The following NCAM1 variants were observed in gnomAD, a reference collection of about 807,000 sequenced individuals.
NCAM1 encodes the protein neural cell adhesion molecule 1.
Under a neutral mutation model 109.8 loss-of-function variants are expected in NCAM1, and 14 were observed. The ratio of observed to expected loss-of-function variants is 0.13; its 90% CI spans 0.08 to 0.20. The LOEUF (loss-of-function observed/expected upper bound fraction) is 0.20. NCAM1 is among the 10% of genes least tolerant of loss of function. The probability of loss-of-function intolerance (pLI) is 1.00; values close to 1 mark genes in which losing one functional copy is unlikely to be tolerated. For synonymous variants in NCAM1, 418 were observed against 442.9 expected (o/e 0.94, Z 0.70); for missense variants, 774 against 1,109.9 (o/e 0.70, Z 4.30).
rs1939314867 is a variant in NCAM1 at position 113,090,929 on chromosome 11, A to C, written c.53-111450A>C. On this transcript the variant is annotated intron_variant, in intron 1 of 19. Coordinates refer to ENST00000316851, the MANE Select transcript of NCAM1 (RefSeq NM_181351.5). ...GGGAAAGAGTCATTCTCTTGAGCTC[A>C]CATCCTAGTAGAAGTTTTGAACAAT... 2.0e-5 allele frequency among the ~76,000 whole-genome samples: 3 copies of C among 152,144 alleles called. No individual in the cohort carries two copies. The South Asian group carries it at 6.2e-4, about 32-fold the overall frequency.
At chr11:113,272,390 G>A (rs1555125634) in intron 19 of NCAM1, among the ~76,000 whole-genome samples, 2 of 152,114 alleles carry the variant, frequency 1.3e-5, no homozygotes, top group African/African-American at 4.8e-5. Context: ...AAAGGGAATG[G>A]AGTTTCAGGG....
rs187565905 is a variant in NCAM1, at chr11:113,016,513, T to C, written c.52+54849T>C. 3.9e-5 allele frequency among the ~76,000 whole-genome samples: 6 copies of C among 152,344 alleles called. No individual in the cohort carries two copies. In the East Asian group the frequency reaches 9.6e-4, roughly 24 times the overall value. On this transcript the variant is annotated intron_variant, in intron 1 of 19. Transcript: ENST00000316851. ...GCCTTTAGGGTTCTGTATAGTGGCT[T>C]AAGACAGGAATACTTGTCATGCGGT...
At chr11:113,073,047 C>T (rs1555085572) in intron 1 of NCAM1, among the ~76,000 whole-genome samples, 1 of 152,156 alleles carries the variant, frequency 6.6e-6, no homozygotes, top group Non-Finnish European at 1.5e-5. Flanking sequence ...CGCCGTTCTA[C>T]TTTCTGTCTC....
rs535958333 is a variant in NCAM1 at position 113,261,684 on chromosome 11, G to T, written c.2131+1361G>T. On this transcript the variant is annotated intron_variant, in intron 17 of 19. Coordinates refer to ENST00000316851, the MANE Select transcript of NCAM1 (RefSeq NM_181351.5). ...TTCTTTGGTCCATTCCTTTACAATCGACAGCTTGGAGTGAATGTCCAGATC... is the reference window on the plus strand; with the variant it reads ...TTCTTTGGTCCATTCCTTTACAATCTACAGCTTGGAGTGAATGTCCAGATC... Among the ~76,000 whole-genome samples the T allele has an allele frequency of 5.9e-5, 9 of 152,140 alleles. No homozygotes were observed. The East Asian group carries it at 1.7e-3, about 29-fold the overall frequency.
At position 113,235,004 on chromosome 11, in the gene NCAM1, C is replaced by G. The variant is rs895606134; in HGVS notation, c.1694-29C>G. ...GGCTGCACCATTTTAACAATAGACT[C>G]TTTTGTCATCCTTCCCATATTATAA... On this transcript the variant is annotated intron_variant, in intron 13 of 19. Transcript: ENST00000316851. 133 of 1,535,988 alleles carry G rather than the reference C, an allele frequency of 8.7e-5. 2 individuals carry two copies. In the South Asian group the frequency reaches 1.5e-3, roughly 18 times the overall value.
At chr11:113,112,393 T>G (rs1591335760) in intron 1 of NCAM1, among the ~76,000 whole-genome samples, 1 of 152,200 alleles carries the variant, frequency 6.6e-6, no homozygotes, top group Non-Finnish European at 1.5e-5. Flanking sequence ...TAAAATTGAT[T>G]GTTTTCCTCA....
At chr11:113,242,381 AGGGCCAGGC>A (rs1555119275) in intron 14 of NCAM1, among the ~76,000 whole-genome samples, 1 of 152,142 alleles carries the variant, frequency 6.6e-6, no homozygotes, top group African/African-American at 2.4e-5. Context: ...GCACTTTGAG[AGGGCCAGGC>A]GGGTGGATTG....
At chr11:113,139,132 T>A (rs1941719728) in intron 1 of NCAM1, among the ~76,000 whole-genome samples, 1 of 152,252 alleles carries the variant, frequency 6.6e-6, no homozygotes, top group Non-Finnish European at 1.5e-5. Context: ...TTGCTTGCAA[T>A]GTTGCTTGGA....
At chr11:113,118,323 G>A (rs1372432973) in intron 1 of NCAM1, among the ~76,000 whole-genome samples, 6 of 151,854 alleles carry the variant, frequency 4.0e-5, no homozygotes, top group East Asian at 3.9e-4. Flanking sequence ...AGCCTGACAG[G>A]GAGATAAGCC....
chr11:113,235,307 C>T, intron 14 of NCAM1, 143 bp downstream of exon 14: 1 of 1,538,844 alleles, frequency 6.5e-7, no homozygotes, highest in South Asian at 1.1e-5. Flanking sequence ...GCCCCACCTC[C>T]TAGTTCTCTG....
At chr11:113,156,803 A>G (rs1010507999) in intron 1 of NCAM1, among the ~76,000 whole-genome samples, 8 of 152,218 alleles carry the variant, frequency 5.3e-5, no homozygotes, top group African/African-American at 1.9e-4. Flanking sequence ...GGAGGAACAT[A>G]TGGGCAAAGA....
intron 1 of NCAM1, among the ~76,000 whole-genome samples, chr11:112,986,625 T>C (rs1951312962): frequency 6.6e-6 from 1 of 152,048 alleles, no homozygotes. Context: ...TATTTCTTCA[T>C]AATTTATTAT....
At chr11:113,006,819 A>G (rs1951904032) in intron 1 of NCAM1, among the ~76,000 whole-genome samples, 2 of 152,204 alleles carry the variant, frequency 1.3e-5, no homozygotes. Flanking sequence ...GTGGTGGAAC[A>G]GCACTGGCTG....
intron 1 of NCAM1, among the ~76,000 whole-genome samples, chr11:113,058,796 G>A (rs782027827): frequency 5.9e-5 from 9 of 152,170 alleles, no homozygotes; most frequent in Non-Finnish European, 1.2e-4. Flanking sequence ...CTCAGCCTGG[G>A]CATGCACCAT....
At chr11:112,997,741 C>G (rs1312290683) in intron 1 of NCAM1, among the ~76,000 whole-genome samples, 2 of 152,126 alleles carry the variant, frequency 1.3e-5, no homozygotes, top group Non-Finnish European at 2.9e-5. Flanking sequence ...TGGAATATCT[C>G]TCATAAGAAC....
intron 1 of NCAM1, among the ~76,000 whole-genome samples, chr11:113,048,830 T>C (rs533890435): frequency 6.6e-6 from 1 of 152,334 alleles, no homozygotes; most frequent in Admixed American, 6.5e-5. Context: ...TAGGTATGTC[T>C]GAGGGAAAGG....
intron 1 of NCAM1, among the ~76,000 whole-genome samples, chr11:112,978,573 CTCTTCATGAAAGCTT>C (rs1555068102): frequency 6.6e-6 from 1 of 151,806 alleles, no homozygotes; most frequent in African/African-American, 2.4e-5. Context: ...TGGTAAAACA[CTCTTCATGAAAGCTT>C]TTCCTGATCT....
At chr11:113,136,771 G>A (rs924909197) in intron 1 of NCAM1, among the ~76,000 whole-genome samples, 14 of 152,168 alleles carry the variant, frequency 9.2e-5, no homozygotes, top group South Asian at 4.1e-4. Flanking sequence ...TGTGGAGAGG[G>A]TGGCTTCCAA....
At chr11:113,253,001 A>C (rs1329694843) in intron 15 of NCAM1, among the ~76,000 whole-genome samples, 1 of 151,862 alleles carries the variant, frequency 6.6e-6, no homozygotes, top group Non-Finnish European at 1.5e-5. Flanking sequence ...AAAATAATAC[A>C]CACATATCAG....
Sources: gnomAD v4.1 joint callset for allele counts (sites outside exome capture counted in the v4.1 genomes callset) on GRCh38, gnomAD v4.1.1 for gene constraint, MANE v1.5 for transcripts, NCBI Gene and HGNC (gene_info 2026-07-23, HGNC 2026-07-21) for gene names.